NECTIN1: variants seen among roughly 807,000 people sequenced by gnomAD.
NECTIN1 encodes the protein nectin-1.
In NECTIN1, 23 loss-of-function variants were observed where a neutral mutation model predicts 48.0. The ratio of observed to expected loss-of-function variants is 0.48; its 90% CI spans 0.34 to 0.68. The LOEUF (loss-of-function observed/expected upper bound fraction) is 0.68, where lower values mean the gene tolerates loss of function less well. Among genes scored for constraint, NECTIN1 ranks in the 30% least tolerant of loss-of-function variants. The probability of loss-of-function intolerance (pLI) is 0.01; values close to 1 mark genes in which losing one functional copy is unlikely to be tolerated. For missense variants in NECTIN1, 591 were observed against 709.9 expected (o/e 0.83, Z 1.90); for synonymous variants, 270 against 288.9 (o/e 0.93, Z 0.66).
intron 1 of NECTIN1, among the ~76,000 whole-genome samples, chr11:119,687,088 G>T (rs1865171561): frequency 6.6e-6 from 1 of 152,008 alleles, no homozygotes; most frequent in Non-Finnish European, 1.5e-5. Flanking sequence ...AGCAGGTCAG[G>T]GTCCGAATCT....
At chr11:119,652,418 C>T (rs1178841545) in intron 5 of NECTIN1, among the ~76,000 whole-genome samples, 3 of 152,164 alleles carry the variant, frequency 2.0e-5, no homozygotes, top group African/African-American at 4.8e-5. Flanking sequence ...CCCAGGCCAC[C>T]GGAACAGGGA....
rs1347597969 is a variant in NECTIN1, at chr11:119,665,824, G to T, written c.1004-527C>A. Among the ~76,000 whole-genome samples, 1 of 152,208 alleles carries T rather than the reference G, an allele frequency of 6.6e-6. No individual in the cohort carries two copies. The highest frequency in any genetic ancestry group is 1.5e-5 in the Non-Finnish European group (1 of 68,040). On this transcript the variant is annotated intron_variant, in intron 5 of 5. Coordinates refer to ENST00000264025, the MANE Select transcript of NECTIN1 (RefSeq NM_002855.5). The surrounding 1 kb of genome is among the most constrained non-coding windows in gnomAD (Gnocchi z 5.1). ...AAATGTCACTGATACCCCTCTGCCAGACACCTGGCAGTCACTCTGCCCCAA... is the reference window on the plus strand; with the variant it reads ...AAATGTCACTGATACCCCTCTGCCATACACCTGGCAGTCACTCTGCCCCAA...
chr11:119,667,860 G>A (rs1864800575), intron 5 of NECTIN1, among the ~76,000 whole-genome samples: 1 of 152,204 alleles, frequency 6.6e-6, no homozygotes, highest in Admixed American at 6.5e-5. Context: ...CTCTGGGACT[G>A]TATCTCCACA....
rs1464048287 is a variant in NECTIN1, at chr11:119,673,023, T to C, written c.1003+2136A>G. ...AGGGTAAAGTTATTACCCGAACGAA[T>C]GCCCAGAATGAAAAATTAAATTTCC... is the stretch of plus-strand genomic sequence containing the variant. On this transcript the variant is annotated intron_variant, in intron 5 of 5. Transcript: ENST00000264025. This position sits in a 1 kb window ranked among gnomAD's most constrained non-coding sequence, Gnocchi z 5.8. Among the ~76,000 whole-genome samples, 1 of 152,204 alleles carries C rather than the reference T, an allele frequency of 6.6e-6. No homozygotes were observed. Among genetic ancestry groups the C allele is most frequent in the Non-Finnish European group, 1.5e-5 (1 of 68,034 alleles).
At chr11:119,658,634 C>T (rs1029064159), downstream of NECTIN1, among the ~76,000 whole-genome samples, 1 of 152,212 alleles carries the variant, frequency 6.6e-6, no homozygotes, top group African/African-American at 2.4e-5. Context: ...TCAGATAGCA[C>T]CTTTTCCAGG....
At chr11:119,654,836 T>C (rs538899354) in intron 5 of NECTIN1, among the ~76,000 whole-genome samples, 1 of 152,246 alleles carries the variant, frequency 6.6e-6, no homozygotes, top group African/African-American at 2.4e-5. Flanking sequence ...CCGAAAGTGC[T>C]GGGATTACAG....
At position 119,677,897 on chromosome 11, in the gene NECTIN1, G is replaced by T; in HGVS notation, c.431-40C>A. 6.2e-7 allele frequency: 1 copy of T among 1,600,866 alleles called. No homozygotes were observed. The highest frequency in any genetic ancestry group is 8.5e-7 in the Non-Finnish European group (1 of 1,170,114). On this transcript the variant is annotated intron_variant, in intron 2 of 5. Coordinates refer to ENST00000264025, the MANE Select transcript of NECTIN1 (RefSeq NM_002855.5). This position sits in a 1 kb window ranked among gnomAD's most constrained non-coding sequence, Gnocchi z 5.4. The stretch of plus-strand genomic sequence containing the variant: ...AGAGAGTGATGGGACTAGCCCTGTT[G>T]ACTTGTCCAAGATGCACCGGCCAAA...
At position 119,675,263 on chromosome 11, in the gene NECTIN1, AG is replaced by A. The variant is rs1864927262; in HGVS notation, c.898del (p.Leu300SerfsTer69). 1.2e-6 allele frequency: 2 copies of A among 1,613,900 alleles called. No individual in the cohort carries two copies. The highest frequency in any genetic ancestry group is 1.7e-6 in the Non-Finnish European group (2 of 1,180,028). Reference protein sequence around the residue: ...PKGVEAQNRTLFFKGPINYSL... With the variant: ...PKGVEAQNRTXFFKGPINYSL... ...GTAGTTGATGGGTCCCTTGAAGAAG[AG>A]GGTTCTGTTCTGGGCCTCCACACCC... On this transcript the variant is annotated frameshift_variant, in exon 5 of 6. Coordinates refer to ENST00000264025, the MANE Select transcript of NECTIN1 (RefSeq NM_002855.5). LOFTEE classifies it high-confidence loss of function.
intron 5 of NECTIN1, among the ~76,000 whole-genome samples, chr11:119,653,314 A>G (rs969726907): frequency 5.9e-5 from 9 of 152,150 alleles, no homozygotes; most frequent in Non-Finnish European, 1.5e-5. Context: ...CTCGCTTCCT[A>G]TGTCAGGTGG....
chr11:119,675,817 C>G (rs1864936587), intron 4 of NECTIN1: 1 of 173,326 alleles, frequency 5.8e-6, no homozygotes, highest in Non-Finnish European at 1.3e-5. Flanking sequence ...ACCAGCTTGG[C>G]CAATATGGTG....
chr11:119,699,466 C>T (rs1865401993), intron 1 of NECTIN1, among the ~76,000 whole-genome samples: 1 of 150,700 alleles, frequency 6.6e-6, no homozygotes, highest in Non-Finnish European at 1.5e-5. Flanking sequence ...ATGCCCAGCC[C>T]CGAGTCCTGG....
At chr11:119,719,780 A>C (rs1320635521) in intron 1 of NECTIN1, among the ~76,000 whole-genome samples, 2 of 152,220 alleles carry the variant, frequency 1.3e-5, no homozygotes, top group Admixed American at 1.3e-4. Context: ...TCCCAGGCCC[A>C]AGTGACTGGA....
At position 119,727,878 on chromosome 11, in the gene NECTIN1, C is replaced by G. The variant is rs1865938220; in HGVS notation, c.79+597G>C. Among the ~76,000 whole-genome samples, 1 of 152,206 alleles carries G rather than the reference C, an allele frequency of 6.6e-6. No individual in the cohort carries two copies. Among genetic ancestry groups the G allele is most frequent in the African/African-American group, 2.4e-5 (1 of 41,460 alleles). On this transcript the variant is annotated intron_variant, in intron 1 of 5. Coordinates refer to ENST00000264025, the MANE Select transcript of NECTIN1 (RefSeq NM_002855.5). The surrounding 1 kb of genome is among the most constrained non-coding windows in gnomAD (Gnocchi z 4.1). ...GCGCCAGGCCGGGAGGAGGCTGCCCCGGCCTCACCCTCCAGGAAAGGAACC... is the reference window on the plus strand; with the variant it reads ...GCGCCAGGCCGGGAGGAGGCTGCCCGGGCCTCACCCTCCAGGAAAGGAACC...
At chr11:119,706,142 C>T (rs541807483) in intron 1 of NECTIN1, among the ~76,000 whole-genome samples, 6 of 152,338 alleles carry the variant, frequency 3.9e-5, no homozygotes, top group South Asian at 4.1e-4. Context: ...CTTCCCCTTC[C>T]GTCCCCACCT....
At chr11:119,650,699 C>T (rs1312431365) in intron 5 of NECTIN1, among the ~76,000 whole-genome samples, 1 of 152,194 alleles carries the variant, frequency 6.6e-6, no homozygotes, top group Non-Finnish European at 1.5e-5. Context: ...TAAAGCCCAG[C>T]TCCTCAGTGG....
intron 1 of NECTIN1, among the ~76,000 whole-genome samples, chr11:119,697,608 C>T (rs1015457617): frequency 2.6e-5 from 4 of 152,204 alleles, no homozygotes; most frequent in Admixed American, 6.5e-5. Flanking sequence ...CTTCCATCTT[C>T]TGGAGCAAGG....
chr11:119,638,879 C>T, intron 6 of NECTIN1: 1 of 1,330,934 alleles, frequency 7.5e-7, no homozygotes, highest in Non-Finnish European at 1.1e-6. Flanking sequence ...CACCAGACAG[C>T]TACCGGTCCC....
At position 119,683,916 on chromosome 11, in the gene NECTIN1, A is replaced by C. The variant is rs1268298678; in HGVS notation, c.80-5151T>G. Among the ~76,000 whole-genome samples the C allele has an allele frequency of 8.9e-4, 135 of 152,222 alleles. No homozygotes were observed. Among genetic ancestry groups the C allele is most frequent in the Non-Finnish European group, 1.5e-4 (10 of 67,998 alleles). On this transcript the variant is annotated intron_variant, in intron 1 of 5. Coordinates refer to ENST00000264025, the MANE Select transcript of NECTIN1 (RefSeq NM_002855.5). The surrounding 1 kb of genome is among the most constrained non-coding windows in gnomAD (Gnocchi z 4.0). The stretch of plus-strand genomic sequence containing the variant: ...CACTTCCCAGAAGTGCTGAGCCAGC[A>C]TGACGGGCCTCAGGCCGGCCCCCTG...
At chr11:119,638,144 TAGG>T in exon 8 of NECTIN1, 1 of 1,613,670 alleles carries the variant, frequency 6.2e-7, no homozygotes, top group Non-Finnish European at 8.5e-7. Flanking sequence ...CGAGGGGTGG[TAGG>T]AGGGGGAGAC....
Sources: allele counts gnomAD v4.1 joint callset (sites outside exome capture counted in the v4.1 genomes callset), GRCh38; gene constraint gnomAD v4.1.1; non-coding constraint Gnocchi (gnomAD v3.1); transcripts MANE v1.5; gene names NCBI Gene and HGNC (gene_info 2026-07-23, HGNC 2026-07-21).